Variants in EPHA6 observed in about 807,000 individuals in gnomAD.
The protein encoded by EPHA6 is ephrin type-A receptor 6.
A neutral mutation model predicts 112.0 loss-of-function variants in EPHA6; 50 were observed. The observed-to-expected ratio is 0.45, with a 90% CI of 0.36 to 0.56. EPHA6 has a LOEUF of 0.56. EPHA6 is among the 20% of genes least tolerant of loss of function. The pLI, the probability that EPHA6 is intolerant of heterozygous loss-of-function variation, is 0.00. For synonymous variants in EPHA6, 529 were observed against 490.7 expected, an observed-to-expected ratio of 1.08 and a Z score of -1.03; for missense variants, 1,280 against 1,417.4, an observed-to-expected ratio of 0.90 and a Z score of 1.56.
At chr3:97,559,581 C>T (rs2093160432) in intron 11 of EPHA6, 2 of 453,950 alleles carry the variant, frequency 4.4e-6, no homozygotes, top group Non-Finnish European at 4.4e-6. Flanking sequence ...ACTTCTTTCT[C>T]ATATTTCAGA....
At chr3:96,873,276 A>AG (rs897386087) in intron 2 of EPHA6, among the ~76,000 whole-genome samples, 76 of 151,994 alleles carry the variant, frequency 5.0e-4, no homozygotes, top group Non-Finnish European at 5.9e-5. Flanking sequence ...AAAAAAAAAA[A>AG]AAGTTATGAT....
At chr3:96,982,264 T>C (rs558085705) in intron 2 of EPHA6, among the ~76,000 whole-genome samples, 1 of 152,238 alleles carries the variant, frequency 6.6e-6, no homozygotes, top group Non-Finnish European at 1.5e-5. Context: ...GTCTTTGTTC[T>C]TGTTGGTTTC....
chr3:97,146,434 C>T (rs1435614693), intron 3 of EPHA6, among the ~76,000 whole-genome samples: 1 of 151,810 alleles, frequency 6.6e-6, no homozygotes, highest in East Asian at 1.9e-4. Context: ...TCCCTAGCAT[C>T]TCTCTCCTTA....
intron 11 of EPHA6, among the ~76,000 whole-genome samples, chr3:97,583,554 A>C (rs1467311445): frequency 1.3e-5 from 2 of 152,034 alleles, no homozygotes; most frequent in Non-Finnish European, 2.9e-5. Context: ...AAAAAAAAGA[A>C]AGAAATACTT....
chr3:97,423,333 T>A (rs2088834622), intron 6 of EPHA6, among the ~76,000 whole-genome samples: 2 of 152,070 alleles, frequency 1.3e-5, no homozygotes, highest in South Asian at 4.1e-4. Flanking sequence ...ATGTGAAAAA[T>A]TGGTAGCATT....
Position 97,758,352 on chromosome 3 carries a change from A to C in EPHA6, c.*9651A>C, listed in dbSNP as rs1374513165. On this transcript the variant is annotated 3_prime_UTR_variant, in exon 18 of 18. Transcript: ENST00000389672. ...TTTACCTCTTTAAACTATATAACAA[A>C]TATAACCGTAGCAACAACAAATTAA... is the stretch of plus-strand genomic sequence containing the variant. Among the ~76,000 whole-genome samples the C allele has an allele frequency of 6.6e-6, 1 of 151,576 alleles. No homozygotes were observed. Among genetic ancestry groups the C allele is most frequent in the Non-Finnish European group, 1.5e-5 (1 of 67,878 alleles).
chr3:97,617,611 G>GA (rs1028272708), intron 13 of EPHA6, among the ~76,000 whole-genome samples: 6 of 151,924 alleles, frequency 3.9e-5, no homozygotes, highest in Admixed American at 1.3e-4. Flanking sequence ...ATGGACAACA[G>GA]AAAAAACCAG....
chr3:97,583,729 T>G (rs534416699), intron 11 of EPHA6, among the ~76,000 whole-genome samples: 1 of 152,134 alleles, frequency 6.6e-6, no homozygotes, highest in South Asian at 2.1e-4. Flanking sequence ...ATCAACAGAT[T>G]CAATGCAATG....
chr3:97,171,766 A>C (rs1196108939), intron 3 of EPHA6, among the ~76,000 whole-genome samples: 1 of 152,098 alleles, frequency 6.6e-6, no homozygotes, highest in Non-Finnish European at 1.5e-5. Flanking sequence ...TTCCCAGAAG[A>C]TAATTTGAAA....
At chr3:96,916,628 G>A (rs1336819943) in intron 2 of EPHA6, among the ~76,000 whole-genome samples, 2 of 152,168 alleles carry the variant, frequency 1.3e-5, no homozygotes, top group East Asian at 3.9e-4. Flanking sequence ...ACAGGGCCCA[G>A]TGTGGAGTGA....
intron 5 of EPHA6, among the ~76,000 whole-genome samples, chr3:97,360,081 C>A (rs1249778253): frequency 6.6e-6 from 1 of 152,152 alleles, no homozygotes; most frequent in Non-Finnish European, 1.5e-5. Flanking sequence ...AATCAGCAAT[C>A]AGAGCACAGT....
At chr3:96,853,841 C>T (rs974587298) in intron 1 of EPHA6, among the ~76,000 whole-genome samples, 5 of 151,860 alleles carry the variant, frequency 3.3e-5, no homozygotes, top group South Asian at 2.1e-4. Flanking sequence ...GTGATACAAA[C>T]GCATGAAGTT....
At chr3:97,202,439 C>G (rs1268840492) in intron 3 of EPHA6, among the ~76,000 whole-genome samples, 1 of 151,764 alleles carries the variant, frequency 6.6e-6, no homozygotes, top group African/African-American at 2.4e-5. Context: ...ACCCCTACTT[C>G]CTGGACTCAA....
At chr3:97,424,959 A>G (rs2088989265) in intron 6 of EPHA6, among the ~76,000 whole-genome samples, 2 of 152,180 alleles carry the variant, frequency 1.3e-5, no homozygotes, top group African/African-American at 4.8e-5. Context: ...GTCAGTAATT[A>G]AATTTTAAAG....
chr3:97,536,990 T>C (rs1422208421), intron 11 of EPHA6, among the ~76,000 whole-genome samples: 1 of 152,194 alleles, frequency 6.6e-6, no homozygotes, highest in Non-Finnish European at 1.5e-5. Context: ...TTAAAATTTG[T>C]GCCAGTGATA....
intron 10 of EPHA6, among the ~76,000 whole-genome samples, chr3:97,504,956 C>G (rs2092209674): frequency 6.6e-6 from 1 of 151,638 alleles, no homozygotes; most frequent in Admixed American, 6.6e-5. Flanking sequence ...TATTTATAAA[C>G]CTGCTTTTTA....
intron 6 of EPHA6, among the ~76,000 whole-genome samples, chr3:97,417,743 G>C (rs1235792176): frequency 1.3e-5 from 2 of 152,176 alleles, no homozygotes; most frequent in African/African-American, 4.8e-5. Flanking sequence ...CACTGGCTAG[G>C]AGGGAGAATT....
At chr3:97,575,480 A>G (rs908373074) in intron 11 of EPHA6, among the ~76,000 whole-genome samples, 1 of 152,174 alleles carries the variant, frequency 6.6e-6, no homozygotes, top group Non-Finnish European at 1.5e-5. Flanking sequence ...AAGTAAAACT[A>G]CTCATTTCAT....
At chr3:97,336,506 G>A (rs1434343576) in intron 5 of EPHA6, among the ~76,000 whole-genome samples, 4 of 152,168 alleles carry the variant, frequency 2.6e-5, no homozygotes, top group Non-Finnish European at 4.4e-5. Context: ...ATCATGAAAT[G>A]TGTCTCAGAT....
Sources: allele counts gnomAD v4.1 joint callset (sites outside exome capture counted in the v4.1 genomes callset), GRCh38; gene constraint gnomAD v4.1.1; transcripts MANE v1.5; gene names NCBI Gene and HGNC (gene_info 2026-07-23, HGNC 2026-07-21).